Variants in NPSR1 observed in about 807,000 individuals in gnomAD.
The protein encoded by NPSR1 is neuropeptide S receptor 1, also known as neuropeptide S receptor.
In NPSR1, 48 loss-of-function variants were observed where a neutral mutation model predicts 46.9. The observed-to-expected ratio is 1.02, with a 90% confidence interval of 0.81 to 1.30. NPSR1 has a LOEUF of 1.30. Ranked by LOEUF, NPSR1 falls within the 50% of genes most tolerant of loss-of-function variation. The probability of loss-of-function intolerance (pLI) is 0.00; values close to 1 mark genes in which losing one functional copy is unlikely to be tolerated. For missense variants in NPSR1, 450 were observed against 449.5 expected (o/e 1.00, Z -0.01); for synonymous variants, 176 against 168.1 (o/e 1.05, Z -0.36).
intron 2 of NPSR1, chr7:34,751,018 C>A: frequency 1.3e-6 from 1 of 771,716 alleles, no homozygotes; most frequent in South Asian, 1.4e-5. Flanking sequence ...TTGGCCAGGG[C>A]AGCAATTTGA....
At chr7:34,699,510 A>T (rs1412934014) in intron 2 of NPSR1, among the ~76,000 whole-genome samples, 1 of 152,236 alleles carries the variant, frequency 6.6e-6, no homozygotes, top group Admixed American at 6.5e-5. Flanking sequence ...CTCAAACAAC[A>T]GAAATTTATT....
rs1787082649 is a variant in NPSR1 at position 34,778,521 on chromosome 7, T to A, written c.340T>A (p.Phe114Ile). The change falls in exon 3 of 9, where the codon TTC becomes ATC. Residue 114 changes from phenylalanine (F) to isoleucine (I), a missense_variant. Coordinates refer to ENST00000360581, the MANE Select transcript of NPSR1 (RefSeq NM_207172.2). ...TATTAATTGGCGATTCACTGGAGAC[T>A]TCACGGCACCTGACCTGGTTTGCCG... ...TDINWRFTGDFTAPDLVCRVV... is the reference protein window; with the variant it reads ...TDINWRFTGDITAPDLVCRVV... 2.5e-6 allele frequency: 4 copies of A among 1,613,040 alleles called. No homozygotes were observed. The highest frequency in any genetic ancestry group is 3.4e-6 in the Non-Finnish European group (4 of 1,179,406).
chr7:34,790,746 A>AATATATATGTTATATGTTATATGTT (rs111929376), intron 3 of NPSR1, among the ~76,000 whole-genome samples: 1 of 104,638 alleles, frequency 9.6e-6, no homozygotes, highest in African/African-American at 4.1e-5. Flanking sequence ...TGTTATATAT[A>AATATATATGTTATATGTTATATGTT]ATATATGTTA....
chr7:34,847,895 G>T (rs1259947088), intron 7 of NPSR1, among the ~76,000 whole-genome samples: 1 of 152,066 alleles, frequency 6.6e-6, no homozygotes, highest in Non-Finnish European at 1.5e-5. Flanking sequence ...TGAGAATTTG[G>T]GGCCAAATAA....
At chr7:34,760,828 A>G (rs954506890) in intron 2 of NPSR1, among the ~76,000 whole-genome samples, 1 of 152,208 alleles carries the variant, frequency 6.6e-6, no homozygotes, top group East Asian at 1.9e-4. Flanking sequence ...TTGATGAAAC[A>G]GCACTAAAAT....
At chr7:34,852,525 G>A (rs1217773176), downstream of NPSR1, among the ~76,000 whole-genome samples, 1 of 152,158 alleles carries the variant, frequency 6.6e-6, no homozygotes, top group African/African-American at 2.4e-5. Flanking sequence ...TGTGTCCAGA[G>A]ACTGAGAGCT....
intron 3 of NPSR1, among the ~76,000 whole-genome samples, chr7:34,803,277 T>C (rs945063017): frequency 1.3e-5 from 2 of 151,988 alleles, no homozygotes; most frequent in African/African-American, 2.4e-5. Flanking sequence ...CGTATGTTTA[T>C]TGCGGCACTA....
intron 5 of NPSR1, among the ~76,000 whole-genome samples, chr7:34,831,092 G>A (rs1284656717): frequency 1.3e-5 from 2 of 152,146 alleles, no homozygotes; most frequent in East Asian, 1.9e-4. Flanking sequence ...CTTTGTCCAT[G>A]TCGTCATCTA....
At chr7:34,790,918 A>T (rs1481883107) in intron 3 of NPSR1, among the ~76,000 whole-genome samples, 2 of 129,112 alleles carry the variant, frequency 1.5e-5, no homozygotes, top group Non-Finnish European at 3.1e-5. Context: ...ATTATATATC[A>T]TATATGTTAT....
chr7:34,799,002 TA>T (rs1318590594), intron 3 of NPSR1, among the ~76,000 whole-genome samples: 4 of 151,604 alleles, frequency 2.6e-5, no homozygotes, highest in East Asian at 3.9e-4. Flanking sequence ...TATTAGAAAA[TA>T]AAAAAATGTG....
chr7:34,688,175 A>G (rs900547204), intron 2 of NPSR1, among the ~76,000 whole-genome samples: 1 of 152,232 alleles, frequency 6.6e-6, no homozygotes, highest in Non-Finnish European at 1.5e-5. Context: ...CTACCTCTGC[A>G]TGCACACAAA....
chr7:34,779,599 T>G, intron 3 of NPSR1: 1 of 1,281,228 alleles, frequency 7.8e-7, no homozygotes, highest in Non-Finnish European at 1.0e-6. Context: ...AGTTACAATC[T>G]TCTTTTGTGC....
At chr7:34,770,815 A>T (rs965213091) in intron 2 of NPSR1, among the ~76,000 whole-genome samples, 1 of 152,190 alleles carries the variant, frequency 6.6e-6, no homozygotes, top group Non-Finnish European at 1.5e-5. Flanking sequence ...GAGGCTGGGA[A>T]GTCTAAGGTC....
intron 1 of NPSR1, among the ~76,000 whole-genome samples, chr7:34,682,726 C>T (rs1792709079): frequency 6.6e-6 from 1 of 152,208 alleles, no homozygotes; most frequent in Non-Finnish European, 1.5e-5. Context: ...CAAAAACTCA[C>T]TCCCTCCACT....
chr7:34,747,927 T>G (rs1293515811), intron 2 of NPSR1, among the ~76,000 whole-genome samples: 2 of 152,204 alleles, frequency 1.3e-5, no homozygotes, highest in Non-Finnish European at 2.9e-5. Context: ...CACTGCTGCC[T>G]CTCTGCCTTC....
At chr7:34,710,821 G>A in intron 2 of NPSR1, 1 of 514,700 alleles carries the variant, frequency 1.9e-6, no homozygotes. Context: ...AAAAAGCAAA[G>A]GAATTTCACA....
chr7:34,788,466 A>G lies in NPSR1; in HGVS notation c.384+9901A>G, dbSNP rs1787569412. 2.0e-5 allele frequency among the ~76,000 whole-genome samples: 3 copies of G among 152,132 alleles called. No homozygotes were observed. In the South Asian group the frequency reaches 6.2e-4, roughly 31 times the overall value. ...CATATAACTGAAAGTAAAAATGGAA[A>G]AAAGATATTCCATGCAAGTGGAAAC... On this transcript the variant is annotated intron_variant, in intron 3 of 8. Coordinates refer to ENST00000360581, the MANE Select transcript of NPSR1 (RefSeq NM_207172.2).
At chr7:34,760,744 A>G (rs1005073937) in intron 2 of NPSR1, among the ~76,000 whole-genome samples, 9 of 152,188 alleles carry the variant, frequency 5.9e-5, no homozygotes, top group African/African-American at 2.2e-4. Flanking sequence ...ATTTGTTGTA[A>G]TCTTGAGGGA....
At chr7:34,689,621 A>AAAAAAAAAAAAAAG (rs1793136306) in intron 2 of NPSR1, among the ~76,000 whole-genome samples, 1 of 113,758 alleles carries the variant, frequency 8.8e-6, no homozygotes, top group African/African-American at 4.4e-5. Context: ...AAAAAAAAAA[A>AAAAAAAAAAAAAAG]AAAAAAAAAA....
Sources: gnomAD v4.1 joint callset for allele counts (sites outside exome capture counted in the v4.1 genomes callset) on GRCh38, gnomAD v4.1.1 for gene constraint, MANE v1.5 for transcripts, NCBI Gene and HGNC (gene_info 2026-07-23, HGNC 2026-07-21) for gene names.